Variants in CLYBL observed in about 807,000 individuals in gnomAD.
CLYBL encodes the protein citramalyl-CoA lyase, mitochondrial.
CLYBL carries 31 observed loss-of-function variants against 38.9 expected under a neutral mutation model. That is an observed-to-expected ratio of 0.80 (90% CI 0.60 to 1.08). The LOEUF is 1.08. Ranked by LOEUF, CLYBL falls within the 50% of genes least tolerant of loss-of-function variation. The pLI is 0.00. For missense variants in CLYBL, 434 were observed against 411.6 expected (o/e 1.05, Z -0.47); for synonymous variants, 171 against 158.6 (o/e 1.08, Z -0.59).
At chr13:99,620,671 G>T (rs555183206) in intron 1 of CLYBL, among the ~76,000 whole-genome samples, 1 of 152,112 alleles carries the variant, frequency 6.6e-6, no homozygotes, top group Non-Finnish European at 1.5e-5. Flanking sequence ...CAGCTACTCA[G>T]GAGGCTGAGG....
At chr13:99,863,401 T>G (rs960448464) in intron 4 of CLYBL, among the ~76,000 whole-genome samples, 2 of 152,244 alleles carry the variant, frequency 1.3e-5, no homozygotes, top group Non-Finnish European at 2.9e-5. Flanking sequence ...TTATTGCATT[T>G]ATAGACTAAA....
At chr13:99,620,800 GAGAGAGAA>G (rs747678919) in intron 1 of CLYBL, among the ~76,000 whole-genome samples, 3,197 of 148,006 alleles carry the variant, frequency 0.022, 87 homozygotes, top group Admixed American at 0.087. Flanking sequence ...GAAAAAGAGA[GAGAGAGAA>G]AGAGAGAGAG....
At chr13:99,831,674 T>C (rs1014980674) in intron 2 of CLYBL, among the ~76,000 whole-genome samples, 4 of 151,914 alleles carry the variant, frequency 2.6e-5, no homozygotes, top group Non-Finnish European at 5.9e-5. Context: ...GCCCGTGTAA[T>C]AGCTGTCTGT....
intron 1 of CLYBL, among the ~76,000 whole-genome samples, chr13:99,697,768 T>C (rs2048002328): frequency 6.9e-6 from 1 of 145,502 alleles, no homozygotes; most frequent in African/African-American, 2.6e-5. Context: ...TGTCTCAGCC[T>C]CTCGAGCAGC....
In CLYBL at chr13:99,714,618, AAAAT is replaced by A. The variant is rs923314169; in HGVS notation, c.63-58187_63-58184del. 3.3e-3 allele frequency among the ~76,000 whole-genome samples: 504 copies of A among 151,868 alleles called. 2 individuals are homozygous for A. The highest frequency in any genetic ancestry group is 0.012 in the African/African-American group (479 of 41,386). ...GGTGACAGAGTGAGACTCCGTCTCA[AAAAT>A]AAATAAATAAATAAATAATAAAAAT... On this transcript the variant is annotated intron_variant, in intron 1 of 8. Coordinates refer to ENST00000339105, the MANE Select transcript of CLYBL (RefSeq NM_206808.5).
rs1216731248 is a variant in CLYBL, at chr13:99,840,768, AAAAAAAAAAAAAG to A, written c.250-18092_250-18080del. Among the ~76,000 whole-genome samples, 478 of 149,044 alleles carry A rather than the reference AAAAAAAAAAAAAG, an allele frequency of 3.2e-3. 8 individuals carry two copies. Among genetic ancestry groups the A allele is most frequent in the African/African-American group, 0.011 (451 of 40,284 alleles). On this transcript the variant is annotated intron_variant, in intron 2 of 8. Coordinates refer to ENST00000339105, the MANE Select transcript of CLYBL (RefSeq NM_206808.5). ...CTTGTCTCAAAAAAAAAAAAAAAAA[AAAAAAAAAAAAAG>A]GGTTACATATGCATATGAAAAAAGG... is the stretch of plus-strand genomic sequence containing the variant.
intron 1 of CLYBL, among the ~76,000 whole-genome samples, chr13:99,730,676 C>T (rs1311622662): frequency 6.6e-6 from 1 of 152,116 alleles, no homozygotes; most frequent in Non-Finnish European, 1.5e-5. Flanking sequence ...GGGGACCACG[C>T]CTGGAGTCTT....
intron 1 of CLYBL, among the ~76,000 whole-genome samples, chr13:99,709,307 C>T (rs1159194679): frequency 6.6e-6 from 1 of 152,166 alleles, no homozygotes; most frequent in African/African-American, 2.4e-5. Context: ...AGACTTCCAG[C>T]CTCCACAGCT....
chr13:99,740,886 C>T (rs994813411), intron 1 of CLYBL, among the ~76,000 whole-genome samples: 2 of 152,120 alleles, frequency 1.3e-5, no homozygotes, highest in Non-Finnish European at 2.9e-5. Context: ...TGATGGGCAC[C>T]GTCCCTGGAG....
chr13:99,676,793 T>TG (rs567608913), intron 1 of CLYBL, among the ~76,000 whole-genome samples: 1,594 of 150,990 alleles, frequency 0.011, 26 homozygotes, highest in African/African-American at 0.037. Flanking sequence ...TTAGTAGAGA[T>TG]GGGGTTTCTC....
intron 2 of CLYBL, among the ~76,000 whole-genome samples, chr13:99,824,195 C>T (rs566961622): frequency 5.3e-5 from 8 of 151,856 alleles, no homozygotes; most frequent in Admixed American, 4.6e-4. Flanking sequence ...GGTTGGAATT[C>T]TATTATTTCT....
At chr13:99,629,480 C>T (rs1179689101) in intron 1 of CLYBL, among the ~76,000 whole-genome samples, 2 of 152,188 alleles carry the variant, frequency 1.3e-5, no homozygotes, top group Non-Finnish European at 2.9e-5. Flanking sequence ...GCTCTCCCTG[C>T]TGTGGGGTTG....
downstream of CLYBL, chr13:99,893,282 C>T (rs2052527467): frequency 6.6e-6 from 1 of 152,580 alleles, no homozygotes; most frequent in African/African-American, 2.4e-5. Context: ...AGCAGCAGTT[C>T]CCAGAGGAGC....
intron 1 of CLYBL, among the ~76,000 whole-genome samples, chr13:99,634,350 A>C (rs925399949): frequency 5.3e-5 from 8 of 152,248 alleles, no homozygotes; most frequent in Non-Finnish European, 2.9e-5. Flanking sequence ...GAAATGCTAA[A>C]GGAATTTCTT....
chr13:99,643,449 G>A (rs566141868), intron 1 of CLYBL, among the ~76,000 whole-genome samples: 4 of 152,264 alleles, frequency 2.6e-5, no homozygotes, highest in Non-Finnish European at 5.9e-5. Flanking sequence ...AAAAAGAAGA[G>A]CTAAAACAGG....
At chr13:99,692,286 GTT>G (rs71215539) in intron 1 of CLYBL, among the ~76,000 whole-genome samples, 1 of 115,878 alleles carries the variant, frequency 8.6e-6, no homozygotes. Flanking sequence ...TGTTTTTTTT[GTT>G]TTTTTTTTTT....
chr13:99,628,706 A>G (rs1385054661), intron 1 of CLYBL, among the ~76,000 whole-genome samples: 1 of 152,258 alleles, frequency 6.6e-6, no homozygotes, highest in Non-Finnish European at 1.5e-5. Context: ...GGCAGCAATC[A>G]GTGTGTAATA....
intron 1 of CLYBL, among the ~76,000 whole-genome samples, chr13:99,607,992 G>A (rs1594079543): frequency 6.6e-6 from 1 of 151,078 alleles, no homozygotes; most frequent in Non-Finnish European, 1.5e-5. Flanking sequence ...GGGTCCACCC[G>A]GATCAGCCTC....
intron 2 of CLYBL, among the ~76,000 whole-genome samples, chr13:99,846,996 G>T (rs1207637361): frequency 1.3e-5 from 2 of 152,142 alleles, no homozygotes; most frequent in African/African-American, 2.4e-5. Context: ...TAACAAATTG[G>T]TTTTTGATAT....
Sources: allele counts gnomAD v4.1 joint callset (sites outside exome capture counted in the v4.1 genomes callset), GRCh38; gene constraint gnomAD v4.1.1; transcripts MANE v1.5; gene names NCBI Gene and HGNC (gene_info 2026-07-23, HGNC 2026-07-21).